The following CDCP2 variants were observed in gnomAD, a reference collection of about 807,000 sequenced individuals.
CDCP2 encodes CUB domain-containing protein 2.
A neutral mutation model predicts 31.0 loss-of-function variants in CDCP2; 31 were observed. That is an observed-to-expected ratio of 1.00 (90% CI 0.75 to 1.35). The LOEUF is 1.35. Ranked by LOEUF, CDCP2 falls within the 40% of genes most tolerant of loss-of-function variation. The pLI is 0.00. For missense variants in CDCP2, 443 were observed against 482.6 expected (o/e 0.92, Z 0.77); for synonymous variants, 206 against 207.9 (o/e 0.99, Z 0.08).
At chr1:54,144,107 C>T (rs918219680) in intron 2 of CDCP2, 30 of 201,702 alleles carry the variant, frequency 1.5e-4, no homozygotes, top group African/African-American at 7.0e-4. Context: ...GAGCGCAGTG[C>T]GACCCTCTGA....
exon 4 of CDCP2, chr1:54,139,801 T>C: frequency 6.2e-7 from 1 of 1,614,148 alleles, no homozygotes; most frequent in Non-Finnish European, 8.5e-7. Context: ...CTGCGGTCTG[T>C]GTGCAGCAGA....
intron 1 of CDCP2, among the ~76,000 whole-genome samples, chr1:54,146,041 A>G (rs1659463269): frequency 6.6e-6 from 1 of 152,180 alleles, no homozygotes; most frequent in South Asian, 2.1e-4. Flanking sequence ...CCACAACAAC[A>G]TCTTAAAGTA....
At chr1:54,141,471 C>T (rs762396643) in intron 2 of CDCP2, 38 bp from the exon 3 acceptor site, 6 of 1,538,316 alleles carry the variant, frequency 3.9e-6, no homozygotes, top group South Asian at 1.3e-5. Flanking sequence ...TTTCTTTCTC[C>T]TTGTGGCTCC....
exon 6 of CDCP2, chr1:54,133,128 G>T: frequency 2.5e-6 from 1 of 399,130 alleles, no homozygotes; most frequent in East Asian, 3.6e-5. Context: ...AAGGTGCTCC[G>T]CAGTGGCAGC....
chr1:54,134,702 G>T (rs542638415), intron 5 of CDCP2, among the ~76,000 whole-genome samples: 8 of 151,804 alleles, frequency 5.3e-5, no homozygotes, highest in Admixed American at 1.3e-4. Flanking sequence ...CACAAATCAG[G>T]AGGGTTCTCA....
chr1:54,138,920 G>A (rs1052549341), intron 4 of CDCP2: 1 of 154,112 alleles, frequency 6.5e-6, no homozygotes, highest in Non-Finnish European at 1.4e-5. Context: ...TGGGCCCATA[G>A]ACAAGGAAGG....
intron 5 of CDCP2, among the ~76,000 whole-genome samples, chr1:54,135,741 C>T (rs1659246358): frequency 6.6e-6 from 1 of 152,060 alleles, no homozygotes; most frequent in South Asian, 2.1e-4. Flanking sequence ...CTTCTCAGGT[C>T]AAAAGGATGG....
At chr1:54,139,441 A>C in intron 4 of CDCP2, 1 of 1,146,602 alleles carries the variant, frequency 8.7e-7, no homozygotes, top group East Asian at 2.5e-5. Context: ...CCCTGGATAC[A>C]GGGGACCAAT....
At chr1:54,132,953 C>T (rs533968527), downstream of CDCP2, 12 of 398,806 alleles carry the variant, frequency 3.0e-5, no homozygotes, top group African/African-American at 2.5e-4. Context: ...GATGCCAGGT[C>T]CCTATGCTGT....
intron 3 of CDCP2, 139 bp downstream of exon 3, chr1:54,140,959 C>G: frequency 1.5e-6 from 1 of 676,054 alleles, no homozygotes. Context: ...CAAGGGTATG[C>G]TAGAGCATTC....
chr1:54,137,447 C>T (rs972919701), intron 4 of CDCP2, among the ~76,000 whole-genome samples: 1 of 152,218 alleles, frequency 6.6e-6, no homozygotes, highest in Admixed American at 6.5e-5. Context: ...GGAAGCCTCA[C>T]TTTCCCTCCC....
intron 1 of CDCP2, 89 bp from the exon 2 acceptor site, chr1:54,144,902 T>C: frequency 2.1e-6 from 2 of 969,012 alleles, no homozygotes. Flanking sequence ...CAAAGCTGGG[T>C]TCTTGGGATG....
At chr1:54,143,070 T>A (rs1184028117) in intron 2 of CDCP2, 1 of 152,258 alleles carries the variant, frequency 6.6e-6, no homozygotes, top group African/African-American at 2.4e-5. Flanking sequence ...GCATGGTGGC[T>A]CACGCCTGTA....
At chr1:54,144,781 A>C in exon 2 of CDCP2, 1 of 1,613,826 alleles carries the variant, frequency 6.2e-7, no homozygotes, top group East Asian at 2.2e-5. Context: ...AAGTTTCCAG[A>C]AGGTGCTGAG....
chr1:54,147,039 G>A (rs1390703255), intron 1 of CDCP2, among the ~76,000 whole-genome samples: 4 of 115,492 alleles, frequency 3.5e-5, no homozygotes, highest in South Asian at 3.0e-4. Flanking sequence ...TTGTGCCACC[G>A]CACTCCAGCC....
At chr1:54,141,055 G>A (rs775593731) in intron 3 of CDCP2, 43 bp downstream of exon 3, 10 of 1,481,190 alleles carry the variant, frequency 6.8e-6, no homozygotes, top group African/African-American at 1.4e-5. Context: ...CAGGAGCCCA[G>A]TAGGCACAGG....
intron 3 of CDCP2, chr1:54,140,820 A>G (rs1026028176): frequency 7.3e-5 from 24 of 328,564 alleles, no homozygotes; most frequent in African/African-American, 4.9e-4. Context: ...TTGACATGCA[A>G]ACCACACACA....
chr1:54,144,348 C>T (rs1266553291), intron 2 of CDCP2, 118 bp downstream of exon 2: 13 of 918,474 alleles, frequency 1.4e-5, no homozygotes, highest in Middle Eastern at 6.2e-4. Context: ...CCAGCTCCTC[C>T]ACTGCCAAAT....
At chr1:54,133,753 G>T (rs645980) in intron 5 of CDCP2, among the ~76,000 whole-genome samples, 1 of 151,786 alleles carries the variant, frequency 6.6e-6, no homozygotes, top group African/African-American at 2.4e-5. Context: ...AAAATTAGCC[G>T]GGCGTGATGG....
Sources: allele counts gnomAD v4.1 joint callset (sites outside exome capture counted in the v4.1 genomes callset), GRCh38; gene constraint gnomAD v4.1.1; transcripts MANE v1.5; gene names NCBI Gene and HGNC (gene_info 2026-07-23, HGNC 2026-07-21).